The following UPF2 variants were observed in gnomAD, a reference collection of about 807,000 sequenced individuals.
UPF2 encodes the protein regulator of nonsense transcripts 2.
In UPF2, 17 loss-of-function variants were observed where a neutral mutation model predicts 141.4. The observed-to-expected ratio is 0.12, with a 90% CI of 0.08 to 0.18. The LOEUF (loss-of-function observed/expected upper bound fraction) is 0.18. Ranked by LOEUF, UPF2 falls within the 10% of genes least tolerant of loss-of-function variation. UPF2 has a pLI of 1.00. For missense variants in UPF2, 1,152 were observed against 1,515.9 expected (o/e 0.76, Z 3.99); for synonymous variants, 540 against 498.0 (o/e 1.08, Z -1.12).
chr10:12,004,763 T>C lies in UPF2; in HGVS notation c.1307-36A>G, dbSNP rs1022364433. 1.0e-5 allele frequency: 16 copies of C among 1,590,496 alleles called. No individual in the cohort carries two copies. The African/African-American group carries it at 1.8e-4, about 17-fold the overall frequency. On this transcript the variant is annotated intron_variant, in intron 4 of 21. Coordinates refer to ENST00000357604, the MANE Select transcript of UPF2 (RefSeq NM_015542.4). ...ATAAATCACAAGTAATTAACATAAC[T>C]TGAGGTTATAGCATGATAAACATGA...
At position 12,028,998 on chromosome 10, in the gene UPF2, C is replaced by A. The variant is rs1834468878; in HGVS notation, c.892G>T (p.Asp298Tyr). Residue 298 changes from aspartate to tyrosine, a missense_variant, in exon 3 of 22, where the codon GAT becomes TAT. Around this residue, in one of 4 missense-constraint regions of UPF2, gnomAD observed 739 missense variants for 1,032.2 expected, o/e 0.72. Coordinates refer to ENST00000357604, the MANE Select transcript of UPF2 (RefSeq NM_015542.4). ...GAGACATGAGTGTGGGACTCCCGAT[C>A]AGCATTAATAATATTTTTTAGCTGT... is the stretch of plus-strand genomic sequence containing the variant. Reference protein sequence around the residue: ...YEQLKNIINADRESHTHVSVV... With the variant: ...YEQLKNIINAYRESHTHVSVV... The A allele has an allele frequency of 6.2e-7, 1 of 1,614,036 alleles. No individual in the cohort carries two copies. Among genetic ancestry groups the A allele is most frequent in the Non-Finnish European group, 8.5e-7 (1 of 1,180,050 alleles).
intron 9 of UPF2, among the ~76,000 whole-genome samples, chr10:11,973,094 T>C (rs1588545676): frequency 6.6e-6 from 1 of 152,344 alleles, no homozygotes; most frequent in South Asian, 2.1e-4. Flanking sequence ...TGTGAGATGG[T>C]ATCTCATTGT....
rs1323018067 is a variant in UPF2, at chr10:11,940,159, C to T, written c.3378+2506G>A. Among the ~76,000 whole-genome samples the T allele has an allele frequency of 6.6e-6, 1 of 152,168 alleles. No homozygotes were observed. The highest frequency in any genetic ancestry group is 2.4e-5 in the African/African-American group (1 of 41,440). ...TATAGAATTAAGTTTTTCTCCAGCA[C>T]AAAAAGCACATCTCCTGCAAAAATG... is the stretch of plus-strand genomic sequence containing the variant. On this transcript the variant is annotated intron_variant, in intron 18 of 21. Transcript: ENST00000357604. This position sits in a 1 kb window ranked among gnomAD's most constrained non-coding sequence, Gnocchi z 4.2.
intron 9 of UPF2, among the ~76,000 whole-genome samples, chr10:11,977,602 A>C (rs1462907272): frequency 6.6e-6 from 1 of 152,204 alleles, no homozygotes; most frequent in African/African-American, 2.4e-5. Context: ...TGAGGGGTAT[A>C]GGCATATAAC....
intron 11 of UPF2, among the ~76,000 whole-genome samples, chr10:11,962,438 G>A (rs1327055355): frequency 1.3e-5 from 2 of 152,030 alleles, no homozygotes; most frequent in Non-Finnish European, 2.9e-5. Flanking sequence ...GGTACTTCCT[G>A]CTTCCTCATC....
chr10:11,930,043 A>G (rs773426607), intron 20 of UPF2, 58 bp from the exon 21 acceptor site: 6 of 1,605,050 alleles, frequency 3.7e-6, no homozygotes, highest in Non-Finnish European at 8.5e-7. Context: ...TACTCCTCCT[A>G]CAGAGTGAAC....
In UPF2 at chr10:12,004,532, T is replaced by C; in HGVS notation, c.1502A>G (p.Lys501Arg). The C allele has an allele frequency of 6.2e-7, 1 of 1,608,222 alleles. No homozygotes were observed. The highest frequency in any genetic ancestry group is 1.7e-5 in the Admixed American group (1 of 59,018). Residue 501 changes from lysine to arginine, a missense_variant and splice_region_variant, in exon 5 of 22, where the codon AAA becomes AGA. Coordinates refer to ENST00000357604, the MANE Select transcript of UPF2 (RefSeq NM_015542.4). ...AATATTTTTTCTCTAGAATTTACCT[T>C]TGGTATCATCTTTGTTGGACTCTTT... ...QNKESNKDDT[K>R]EAKESKENKE...
chr10:12,035,461 TC>T lies in UPF2; in HGVS notation c.-18-21del. 1.3e-6 allele frequency: 2 copies of T among 1,500,520 alleles called. No homozygotes were observed. The highest frequency in any genetic ancestry group is 1.8e-6 in the Non-Finnish European group (2 of 1,134,202). The allele number at this position is 1,500,520 out of a possible 1,614,324, so 93.0% of individuals were successfully genotyped here. A position where few individuals can be genotyped will look rare whatever the true frequency, so the allele number is the denominator to read the frequency against. ...GACAATCTGTAAGAGGGAAAGAATGTCAGTACCATAGATGCAGTGACTTTTT... is the reference window on the plus strand; with the variant it reads ...GACAATCTGTAAGAGGGAAAGAATGTAGTACCATAGATGCAGTGACTTTTT... On this transcript the variant is annotated intron_variant, in intron 1 of 21. Transcript: ENST00000357604.
intron 15 of UPF2, among the ~76,000 whole-genome samples, chr10:11,949,807 A>G (rs1278509609): frequency 2.0e-5 from 3 of 152,352 alleles, no homozygotes; most frequent in African/African-American, 7.2e-5. Flanking sequence ...AAATTAAAAT[A>G]AAAATCTGAG....
intron 16 of UPF2, 125 bp from the exon 17 acceptor site, chr10:11,943,293 T>A: frequency 1.2e-6 from 1 of 865,588 alleles, no homozygotes; most frequent in East Asian, 2.6e-5. Flanking sequence ...GCTCTTTAGG[T>A]AGTTGGTTTC....
intron 6 of UPF2, among the ~76,000 whole-genome samples, chr10:12,001,204 A>G (rs1327217873): frequency 6.6e-6 from 1 of 152,214 alleles, no homozygotes; most frequent in African/African-American, 2.4e-5. Flanking sequence ...ACCTGAGGTC[A>G]GGAGTTCGAG....
Position 11,956,221 on chromosome 10 carries a change from A to C in UPF2, c.2574+99T>G, listed in dbSNP as rs1564343819. ...GATTATCAGCTTTTTCTAACTAATA[A>C]ATTTACAGATTCCTATAACTTGAGT... On this transcript the variant is annotated intron_variant, in intron 13 of 21. Coordinates refer to ENST00000357604, the MANE Select transcript of UPF2 (RefSeq NM_015542.4). This position sits in a 1 kb window ranked among gnomAD's most constrained non-coding sequence, Gnocchi z 4.2. The C allele has an allele frequency of 1.8e-6, 2 of 1,103,492 alleles. No homozygotes were observed. The highest frequency in any genetic ancestry group is 5.0e-5 in the East Asian group (2 of 40,360). The allele number at this position is 1,103,492 out of a possible 1,614,324, so 68.4% of individuals were successfully genotyped here.
intron 15 of UPF2, among the ~76,000 whole-genome samples, chr10:11,950,090 T>C (rs1388829182): frequency 6.6e-6 from 1 of 152,168 alleles, no homozygotes; most frequent in Non-Finnish European, 1.5e-5. Context: ...GAAAAATATG[T>C]ATTAAAATAT....
chr10:11,943,290 A>G (rs1438039485), intron 16 of UPF2, 122 bp from the exon 17 acceptor site: 6 of 880,022 alleles, frequency 6.8e-6, no homozygotes, highest in East Asian at 2.6e-5. Flanking sequence ...TTAGCTCTTT[A>G]GGTAGTTGGT....
intron 9 of UPF2, among the ~76,000 whole-genome samples, chr10:11,969,750 G>C (rs1485444300): frequency 1.3e-5 from 2 of 152,090 alleles, no homozygotes; most frequent in Non-Finnish European, 2.9e-5. Flanking sequence ...GACCAGTTTT[G>C]CTGGATTTCA....
At position 12,016,057 on chromosome 10, in the gene UPF2, A is replaced by T. The variant is rs954026033; in HGVS notation, c.1146-1873T>A. ...CAAACACAAACAAAATTTTTTCAGT[A>T]ATTTTGTGAATGAATTTTAAAAATT... is the stretch of plus-strand genomic sequence containing the variant. On this transcript the variant is annotated intron_variant, in intron 3 of 21. Coordinates refer to ENST00000357604, the MANE Select transcript of UPF2 (RefSeq NM_015542.4). This position sits in a 1 kb window ranked among gnomAD's most constrained non-coding sequence, Gnocchi z 4.1. Among the ~76,000 whole-genome samples the T allele has an allele frequency of 4.6e-5, 7 of 152,160 alleles. No homozygotes were observed. The highest frequency in any genetic ancestry group is 7.3e-5 in the Non-Finnish European group (5 of 68,030).
chr10:11,958,531 C>A (rs149089441), intron 12 of UPF2, among the ~76,000 whole-genome samples: 180 of 152,316 alleles, frequency 1.2e-3, no homozygotes, highest in African/African-American at 3.8e-3. Flanking sequence ...TTCAAACCTG[C>A]AACATCATTC....
intron 8 of UPF2, among the ~76,000 whole-genome samples, chr10:11,983,668 G>A (rs1006857353): frequency 2.0e-5 from 3 of 152,056 alleles, no homozygotes; most frequent in African/African-American, 4.8e-5. Context: ...CACCGTGCCC[G>A]GCCTTGGATT....
intron 8 of UPF2, among the ~76,000 whole-genome samples, chr10:11,981,395 T>A (rs772545177): frequency 2.0e-5 from 3 of 152,126 alleles, no homozygotes; most frequent in African/African-American, 4.8e-5. Context: ...GATATTACAC[T>A]CACCATTGCA....
Sources: gnomAD v4.1 joint callset for allele counts (sites outside exome capture counted in the v4.1 genomes callset) on GRCh38, gnomAD v4.1.1 for gene constraint, gnomAD v4.1.1 regional missense constraint, Gnocchi (gnomAD v3.1) non-coding constraint, MANE v1.5 for transcripts, NCBI Gene and HGNC (gene_info 2026-07-23, HGNC 2026-07-21) for gene names.